KHDRBS2: variants seen among roughly 807,000 people sequenced by gnomAD.
KHDRBS2 encodes the protein KH domain-containing, RNA-binding, signal transduction-associated protein 2.
KHDRBS2 carries 26 observed loss-of-function variants against 44.3 expected under a neutral mutation model. That is an observed-to-expected ratio of 0.59 (90% CI 0.43 to 0.81). The LOEUF is 0.81. Ranked by LOEUF, KHDRBS2 falls within the 40% of genes least tolerant of loss-of-function variation. The pLI, the probability that KHDRBS2 is intolerant of heterozygous loss-of-function variation, is 0.00. For missense variants in KHDRBS2, 476 were observed against 433.1 expected (o/e 1.10, Z -0.88); for synonymous variants, 194 against 151.1 (o/e 1.28, Z -2.08).
the KHDRBS2 span, among the ~76,000 whole-genome samples, chr6:61,635,464 T>G: frequency 6.6e-6 from 1 of 152,062 alleles, no homozygotes; most frequent in Non-Finnish European, 1.5e-5. Context: ...ATGAACAGTA[T>G]GGTTACTGAC....
chr6:62,263,359 A>G (rs891311692), intron 1 of KHDRBS2, among the ~76,000 whole-genome samples: 16 of 151,692 alleles, frequency 1.1e-4, no homozygotes, highest in African/African-American at 3.6e-4. Context: ...TGTAATATCA[A>G]TTCTTTTTTC....
At chr6:61,664,441 A>G in the KHDRBS2 span, among the ~76,000 whole-genome samples, 1 of 150,886 alleles carries the variant, frequency 6.6e-6, no homozygotes, top group Non-Finnish European at 1.5e-5. Context: ...TAGGAAAAAA[A>G]CAACAACAAG....
chr6:61,598,007 G>A, the KHDRBS2 span, among the ~76,000 whole-genome samples: 1 of 148,362 alleles, frequency 6.7e-6, no homozygotes, highest in Admixed American at 6.8e-5. Flanking sequence ...CAAATATTTT[G>A]TACTCTGAGC....
the KHDRBS2 span, among the ~76,000 whole-genome samples, chr6:61,649,851 A>G: frequency 1.7e-3 from 262 of 152,238 alleles, 1 homozygote; most frequent in African/African-American, 5.8e-3. Flanking sequence ...TATTTTGGTC[A>G]TATCTCCTTT....
chr6:61,843,265 C>A (rs1210120308), intron 6 of KHDRBS2, among the ~76,000 whole-genome samples: 1 of 151,432 alleles, frequency 6.6e-6, no homozygotes, highest in Non-Finnish European at 1.5e-5. Flanking sequence ...GTGATGGTTG[C>A]ACAACTTTGT....
intron 3 of KHDRBS2, among the ~76,000 whole-genome samples, chr6:62,044,536 A>C (rs1787253963): frequency 6.6e-6 from 1 of 151,982 alleles, no homozygotes; most frequent in South Asian, 2.1e-4. Flanking sequence ...AAAGACATAC[A>C]TTTTGTAGTA....
intron 1 of KHDRBS2, among the ~76,000 whole-genome samples, chr6:62,197,047 G>A (rs1408347860): frequency 2.6e-5 from 4 of 152,028 alleles, no homozygotes; most frequent in East Asian, 1.9e-4. Context: ...ATATCATGCA[G>A]TATAAAAATC....
intron 3 of KHDRBS2, among the ~76,000 whole-genome samples, chr6:62,034,885 G>A (rs1304772186): frequency 6.6e-6 from 1 of 151,750 alleles, no homozygotes; most frequent in Admixed American, 6.6e-5. Context: ...ATATGAAAAG[G>A]TGTCCACATC....
At chr6:61,849,008 C>A (rs986372201) in intron 6 of KHDRBS2, among the ~76,000 whole-genome samples, 3 of 151,972 alleles carry the variant, frequency 2.0e-5, no homozygotes, top group Non-Finnish European at 4.4e-5. Flanking sequence ...TCACACAGGG[C>A]AACAGCTACC....
intron 6 of KHDRBS2, among the ~76,000 whole-genome samples, chr6:61,853,047 A>G (rs1795680967): frequency 6.6e-6 from 1 of 152,164 alleles, no homozygotes; most frequent in South Asian, 2.1e-4. Flanking sequence ...TTGCCATTGG[A>G]TCTTGCCCCT....
the KHDRBS2 span, among the ~76,000 whole-genome samples, chr6:61,583,427 T>C: frequency 6.6e-6 from 1 of 151,800 alleles, no homozygotes; most frequent in South Asian, 2.1e-4. Context: ...ATAAAGCTAT[T>C]ATGAATTCAA....
At chr6:61,847,936 TTCTA>T (rs1794650463) in intron 6 of KHDRBS2, among the ~76,000 whole-genome samples, 1 of 152,074 alleles carries the variant, frequency 6.6e-6, no homozygotes, top group East Asian at 1.9e-4. Context: ...TATGAGCTAA[TTCTA>T]TTGTTACTAA....
intron 2 of KHDRBS2, among the ~76,000 whole-genome samples, chr6:62,072,351 T>C (rs1044405780): frequency 4.6e-5 from 7 of 152,244 alleles, no homozygotes; most frequent in Admixed American, 1.3e-4. Flanking sequence ...TCCTGCCTGA[T>C]TGCCCTGGCC....
intron 2 of KHDRBS2, among the ~76,000 whole-genome samples, chr6:62,125,566 G>A (rs1321565163): frequency 1.3e-5 from 2 of 152,198 alleles, no homozygotes; most frequent in African/African-American, 2.4e-5. Flanking sequence ...AGGCAGCACA[G>A]CTTCAAAAGA....
At chr6:61,866,268 T>C (rs1797777340) in intron 6 of KHDRBS2, among the ~76,000 whole-genome samples, 1 of 152,210 alleles carries the variant, frequency 6.6e-6, no homozygotes, top group African/African-American at 2.4e-5. Context: ...GAAATCTAGG[T>C]GGAGGCTCCC....
At chr6:62,106,390 C>G (rs1803321287) in intron 2 of KHDRBS2, among the ~76,000 whole-genome samples, 1 of 152,078 alleles carries the variant, frequency 6.6e-6, no homozygotes, top group Admixed American at 6.6e-5. Flanking sequence ...GTTAAAGTCT[C>G]CCATTATTAT....
chr6:61,978,427 G>A (rs1246160492), intron 3 of KHDRBS2, among the ~76,000 whole-genome samples: 1 of 151,798 alleles, frequency 6.6e-6, no homozygotes, highest in African/African-American at 2.4e-5. Context: ...TTTAAAAACC[G>A]GCATAATTAT....
chr6:61,733,687 C>T (rs185886240), intron 6 of KHDRBS2, among the ~76,000 whole-genome samples: 5 of 151,958 alleles, frequency 3.3e-5, no homozygotes, highest in African/African-American at 9.7e-5. Flanking sequence ...ACTTATTACT[C>T]GAGTAAATTA....
intron 1 of KHDRBS2, among the ~76,000 whole-genome samples, chr6:62,207,604 C>T (rs973345076): frequency 6.6e-6 from 1 of 152,006 alleles, no homozygotes; most frequent in African/African-American, 2.4e-5. Flanking sequence ...AAAACAAGAA[C>T]ATTTAATAGG....
Sources: allele counts gnomAD v4.1 joint callset (sites outside exome capture counted in the v4.1 genomes callset), GRCh38; gene constraint gnomAD v4.1.1; transcripts MANE v1.5; gene names NCBI Gene and HGNC (gene_info 2026-07-23, HGNC 2026-07-21).